The following MALRD1 variants were observed in gnomAD, a reference collection of about 807,000 sequenced individuals.
MALRD1 encodes the protein MAM and LDL receptor class A domain containing 1.
In MALRD1, 247 loss-of-function variants were observed where a neutral mutation model predicts 242.1. That is an observed-to-expected ratio of 1.02 (90% CI 0.92 to 1.13). The LOEUF is 1.13. Among genes scored for constraint, MALRD1 ranks in the 50% most tolerant of loss-of-function variants. The pLI is 0.00. For synonymous variants in MALRD1, 995 were observed against 866.6 expected, an observed-to-expected ratio of 1.15 and a Z score of -2.60; for missense variants, 2,989 against 2,533.1, an observed-to-expected ratio of 1.18 and a Z score of -3.86.
rs552383335 is a variant in MALRD1, at chr10:19,560,258, A to G, written c.5479-7244A>G. The stretch of plus-strand genomic sequence containing the variant: ...CTGAGGTGGGTGGATCACAAGGTCA[A>G]GAGCTCAAGGCCATCCTGGCAAACA... On this transcript the variant is annotated intron_variant, in intron 32 of 39. Transcript: ENST00000454679. Among the ~76,000 whole-genome samples, 4 of 152,032 alleles carry G rather than the reference A, an allele frequency of 2.6e-5. No individual in the cohort carries two copies. The East Asian group carries it at 7.7e-4, about 29-fold the overall frequency.
intron 4 of MALRD1, 82 bp from the exon 5 acceptor site, chr10:19,103,897 G>A: frequency 1.3e-6 from 1 of 788,946 alleles, no homozygotes; most frequent in Non-Finnish European, 1.7e-6. Flanking sequence ...TCCTATTGCA[G>A]GCTCTCTTTT....
intron 18 of MALRD1, among the ~76,000 whole-genome samples, chr10:19,227,954 A>C (rs1278126160): frequency 6.6e-6 from 1 of 152,210 alleles, no homozygotes; most frequent in Non-Finnish European, 1.5e-5. Context: ...ACACGGGCAG[A>C]ACTGACCATA....
intron 18 of MALRD1, among the ~76,000 whole-genome samples, chr10:19,252,188 G>C (rs553921275): frequency 6.6e-6 from 1 of 152,158 alleles, no homozygotes; most frequent in South Asian, 2.1e-4. Flanking sequence ...GGGAGGACTA[G>C]TGTCTGCGGC....
At chr10:19,155,802 A>T (rs143961993) in intron 12 of MALRD1, among the ~76,000 whole-genome samples, 44 of 152,318 alleles carry the variant, frequency 2.9e-4, no homozygotes, top group African/African-American at 1.0e-3. Context: ...GATTATATGG[A>T]ATAATGTCAA....
chr10:19,538,681 CAT>C (rs796600129), intron 32 of MALRD1, among the ~76,000 whole-genome samples: 12 of 152,068 alleles, frequency 7.9e-5, no homozygotes, highest in Admixed American at 5.2e-4. Context: ...AAATAACTAA[CAT>C]ATTTTATTAC....
chr10:19,481,479 A>G (rs1467531769), intron 29 of MALRD1, among the ~76,000 whole-genome samples: 1 of 152,186 alleles, frequency 6.6e-6, no homozygotes, highest in Non-Finnish European at 1.5e-5. Context: ...TTTATTTGCA[A>G]ACTTGCCTCT....
intron 32 of MALRD1, among the ~76,000 whole-genome samples, chr10:19,535,490 CATATACACATAT>C (rs1370291856): frequency 1.6e-4 from 23 of 148,036 alleles, no homozygotes; most frequent in African/African-American, 5.2e-4. Flanking sequence ...TATGCATATA[CATATACACATAT>C]ATATACACAT....
chr10:19,198,934 T>A (rs1184310610), intron 14 of MALRD1, among the ~76,000 whole-genome samples: 1 of 152,220 alleles, frequency 6.6e-6, no homozygotes. Context: ...TTCAACCTTA[T>A]GATAACTTCA....
chr10:19,596,096 A>G (rs1382883343), intron 34 of MALRD1, among the ~76,000 whole-genome samples: 1 of 152,164 alleles, frequency 6.6e-6, no homozygotes, highest in Admixed American at 6.6e-5. Context: ...CAAGGCTGTG[A>G]TGATTTGAGC....
intron 19 of MALRD1, among the ~76,000 whole-genome samples, chr10:19,265,682 G>C (rs1457877318): frequency 1.3e-5 from 2 of 152,048 alleles, no homozygotes. Flanking sequence ...TCTTGAGAAG[G>C]TGTATTCTGC....
chr10:19,134,345 A>G (rs557760685), intron 9 of MALRD1, among the ~76,000 whole-genome samples: 4 of 152,364 alleles, frequency 2.6e-5, no homozygotes, highest in African/African-American at 9.6e-5. Flanking sequence ...GGAAAGCTCT[A>G]TGTACACCAA....
chr10:19,519,448 T>TA (rs1833782705), intron 31 of MALRD1, among the ~76,000 whole-genome samples: 1 of 152,170 alleles, frequency 6.6e-6, no homozygotes, highest in Admixed American at 6.5e-5. Context: ...GAAAAATCTT[T>TA]AGTATCATCT....
rs184169292 is a variant in MALRD1, at chr10:19,454,923, T to C, written c.5029+4433T>C. Among the ~76,000 whole-genome samples the C allele has an allele frequency of 7.4e-3, 1,134 of 152,324 alleles. 9 individuals are homozygous for C. The highest frequency in any genetic ancestry group is 0.012 in the Non-Finnish European group (839 of 68,028). ...CAACATAAAGCTAGATATATTCTTTTTTATTTATTTGCATTCTGAATACAT... is the reference window on the plus strand; with the variant it reads ...CAACATAAAGCTAGATATATTCTTTCTTATTTATTTGCATTCTGAATACAT... On this transcript the variant is annotated intron_variant, in intron 29 of 39. Coordinates refer to ENST00000454679, the MANE Select transcript of MALRD1 (RefSeq NM_001142308.3).
At position 19,648,913 on chromosome 10, in the gene MALRD1, C is replaced by A. The variant is rs141090126; in HGVS notation, c.6137+32990C>A. 9.2e-3 allele frequency among the ~76,000 whole-genome samples: 1,405 copies of A among 152,228 alleles called. 19 individuals carry two copies. Among genetic ancestry groups the A allele is most frequent in the African/African-American group, 0.032 (1,317 of 41,524 alleles). On this transcript the variant is annotated intron_variant, in intron 36 of 39. Transcript: ENST00000454679. ...TCCTCTCACCCACCTCAAGTAGACC[C>A]TGGTGCCCGTTGTTTCCTTCTTTGG...
chr10:19,215,019 G>T (rs1271995107), intron 18 of MALRD1, among the ~76,000 whole-genome samples: 2 of 152,138 alleles, frequency 1.3e-5, no homozygotes, highest in African/African-American at 2.4e-5. Context: ...TGCCTGGAAT[G>T]TCCCCAAAAA....
intron 33 of MALRD1, among the ~76,000 whole-genome samples, chr10:19,570,471 A>T (rs1836473929): frequency 6.6e-6 from 1 of 152,074 alleles, no homozygotes. Context: ...GAAAACAGAA[A>T]GCTTTAAAGA....
intron 4 of MALRD1, among the ~76,000 whole-genome samples, 187 bp downstream of exon 4, chr10:19,088,372 T>G (rs968875466): frequency 6.6e-6 from 1 of 151,912 alleles, no homozygotes; most frequent in East Asian, 1.9e-4. Context: ...TAAAAGACAC[T>G]TTTACAATAA....
At chr10:19,195,512 T>G (rs1007009005) in intron 14 of MALRD1, among the ~76,000 whole-genome samples, 46 of 152,142 alleles carry the variant, frequency 3.0e-4, no homozygotes, top group African/African-American at 1.1e-3. Context: ...CAGATCTAAC[T>G]CTCTATTAGA....
At chr10:19,121,416 CTG>C (rs1172252214) in intron 5 of MALRD1, among the ~76,000 whole-genome samples, 2 of 152,078 alleles carry the variant, frequency 1.3e-5, no homozygotes, top group African/African-American at 4.8e-5. Context: ...ATTAAAAAAA[CTG>C]TTATTGACAT....
Sources: gnomAD v4.1 joint callset for allele counts (sites outside exome capture counted in the v4.1 genomes callset) on GRCh38, gnomAD v4.1.1 for gene constraint, MANE v1.5 for transcripts, NCBI Gene and HGNC (gene_info 2026-07-23, HGNC 2026-07-21) for gene names.